The following KCNN2 variants were observed in gnomAD, a reference collection of about 807,000 sequenced individuals.
The protein encoded by KCNN2 is small conductance calcium-activated potassium channel protein 2.
A neutral mutation model predicts 55.5 loss-of-function variants in KCNN2; 24 were observed. That is an observed-to-expected ratio of 0.43 (90% CI 0.31 to 0.61). The LOEUF (loss-of-function observed/expected upper bound fraction) is 0.61, where lower values mean the gene tolerates loss of function less well. KCNN2 is among the 20% of genes least tolerant of loss of function. The pLI, the probability that KCNN2 is intolerant of heterozygous loss-of-function variation, is 0.08. For missense variants in KCNN2, 754 were observed against 853.6 expected, an observed-to-expected ratio of 0.88 and a Z score of 1.45; for synonymous variants, 431 against 336.1, an observed-to-expected ratio of 1.28 and a Z score of -3.09.
intron 1 of KCNN2, among the ~76,000 whole-genome samples, chr5:114,111,152 A>G (rs1349159596): frequency 6.6e-6 from 1 of 152,138 alleles, no homozygotes; most frequent in African/African-American, 2.4e-5. Flanking sequence ...ATGGAACAGA[A>G]CAGAGGCCTC....
chr5:114,388,711 A>C (rs192878965), intron 2 of KCNN2, among the ~76,000 whole-genome samples: 1 of 152,184 alleles, frequency 6.6e-6, no homozygotes, highest in African/African-American at 2.4e-5. Context: ...AATGTCTTTC[A>C]CCCTTTCCCC....
chr5:114,406,193 C>T (rs943978078), intron 3 of KCNN2, among the ~76,000 whole-genome samples: 5 of 151,042 alleles, frequency 3.3e-5, no homozygotes, highest in African/African-American at 1.2e-4. Flanking sequence ...TTTAGCCATT[C>T]TCTTGGTAAC....
chr5:114,475,931 A>G (rs949523962), intron 5 of KCNN2, among the ~76,000 whole-genome samples: 1 of 152,184 alleles, frequency 6.6e-6, no homozygotes, highest in Non-Finnish European at 1.5e-5. Context: ...TGAATTGTCA[A>G]CTTATTGCCT....
At chr5:114,172,304 G>T (rs1753050832) in intron 1 of KCNN2, among the ~76,000 whole-genome samples, 1 of 151,788 alleles carries the variant, frequency 6.6e-6, no homozygotes, top group Admixed American at 6.6e-5. Flanking sequence ...AGGAAGATTG[G>T]TTTCATTTCT....
At chr5:114,167,077 T>C (rs1322318743) in intron 1 of KCNN2, among the ~76,000 whole-genome samples, 1 of 152,146 alleles carries the variant, frequency 6.6e-6, no homozygotes, top group Non-Finnish European at 1.5e-5. Flanking sequence ...AACTAAGATA[T>C]TTCATTCAAT....
At chr5:114,410,786 A>G (rs1438852142) in intron 3 of KCNN2, among the ~76,000 whole-genome samples, 1 of 152,150 alleles carries the variant, frequency 6.6e-6, no homozygotes, top group Non-Finnish European at 1.5e-5. Context: ...AATGTTTGGA[A>G]TGGAAAAGGG....
At chr5:114,241,372 T>C (rs1387337315) in intron 2 of KCNN2, among the ~76,000 whole-genome samples, 3 of 151,930 alleles carry the variant, frequency 2.0e-5, no homozygotes, top group Admixed American at 1.3e-4. Flanking sequence ...ATAGTGAAGA[T>C]AGTTATGCCT....
rs755074639 is a variant in KCNN2 at position 114,363,995 on chromosome 5, A to G, written c.1212A>G (p.Glu404=). The change falls in exon 2 of 8, where the codon GAA becomes GAG. Residue 404 remains glutamate (E), a synonymous_variant. Coordinates refer to ENST00000673685, the MANE Select transcript of KCNN2 (RefSeq NM_021614.4). ...LGLIIVYHAR[E]IQLFMVDNGA... ...TGATCATCGTGTACCACGCCAGGGAAATACAGGTAACTTAGGTCCTGCTGT... is the reference window on the plus strand; with the variant it reads ...TGATCATCGTGTACCACGCCAGGGAGATACAGGTAACTTAGGTCCTGCTGT... 1.9e-6 allele frequency: 3 copies of G among 1,612,442 alleles called. No individual in the cohort carries two copies. Among genetic ancestry groups the G allele is most frequent in the Non-Finnish European group, 8.5e-7 (1 of 1,178,490 alleles).
intron 2 of KCNN2, among the ~76,000 whole-genome samples, chr5:114,275,404 G>C (rs1222441779): frequency 6.6e-6 from 1 of 152,152 alleles, no homozygotes; most frequent in African/African-American, 2.4e-5. Context: ...GTTTCAGAAG[G>C]AATGGTGTCC....
intron 1 of KCNN2, among the ~76,000 whole-genome samples, chr5:114,086,606 C>T (rs1051000462): frequency 1.3e-5 from 2 of 151,858 alleles, no homozygotes; most frequent in African/African-American, 4.8e-5. Context: ...CTGCAAAGGA[C>T]GTAATCTAAT....
chr5:114,492,330 C>G (rs1580931892), intron 6 of KCNN2, among the ~76,000 whole-genome samples: 1 of 152,052 alleles, frequency 6.6e-6, no homozygotes, highest in African/African-American at 2.4e-5. Flanking sequence ...ATAAAAAATT[C>G]TCTCTCTAGC....
chr5:114,360,454 G>T (rs1472661373), upstream of KCNN2, among the ~76,000 whole-genome samples: 1 of 152,188 alleles, frequency 6.6e-6, no homozygotes, highest in Non-Finnish European at 1.5e-5. Flanking sequence ...CTAACTCGTT[G>T]TAATAGTCTT....
chr5:114,468,069 C>CTCT (rs934171192), intron 4 of KCNN2, among the ~76,000 whole-genome samples: 1 of 152,178 alleles, frequency 6.6e-6, no homozygotes, highest in Non-Finnish European at 1.5e-5. Flanking sequence ...ACACTCTCCC[C>CTCT]TCTTTTCTTA....
chr5:114,413,906 G>A (rs1759215958), intron 3 of KCNN2, among the ~76,000 whole-genome samples: 1 of 152,166 alleles, frequency 6.6e-6, no homozygotes, highest in African/African-American at 2.4e-5. Context: ...GCATGCATGT[G>A]TGCACTCCTG....
At chr5:114,423,385 A>C (rs914832149) in intron 3 of KCNN2, among the ~76,000 whole-genome samples, 1 of 152,208 alleles carries the variant, frequency 6.6e-6, no homozygotes, top group Non-Finnish European at 1.5e-5. Context: ...GTACGATATG[A>C]GCCTAAATAA....
chr5:114,417,885 A>C (rs890492586), intron 3 of KCNN2, among the ~76,000 whole-genome samples: 7 of 152,212 alleles, frequency 4.6e-5, no homozygotes, highest in Non-Finnish European at 7.3e-5. Context: ...CCATCTGAAT[A>C]GCCACAGAGC....
At chr5:114,450,546 A>G (rs1291893503) in intron 3 of KCNN2, among the ~76,000 whole-genome samples, 3 of 152,348 alleles carry the variant, frequency 2.0e-5, no homozygotes, top group South Asian at 2.1e-4. Flanking sequence ...CCCAGAAAGT[A>G]TCAGGGGCTT....
intron 1 of KCNN2, among the ~76,000 whole-genome samples, chr5:114,157,532 G>T (rs1179555381): frequency 5.3e-5 from 8 of 152,116 alleles, no homozygotes; most frequent in African/African-American, 1.9e-4. Flanking sequence ...GTAATGGGAT[G>T]GCTGGGTCAA....
At chr5:114,474,364 T>G (rs1038405968) in intron 5 of KCNN2, among the ~76,000 whole-genome samples, 1 of 152,144 alleles carries the variant, frequency 6.6e-6, no homozygotes, top group Non-Finnish European at 1.5e-5. Flanking sequence ...ACGTTTATAG[T>G]AGATGGTCAG....
Sources: allele counts gnomAD v4.1 joint callset (sites outside exome capture counted in the v4.1 genomes callset), GRCh38; gene constraint gnomAD v4.1.1; transcripts MANE v1.5; gene names NCBI Gene and HGNC (gene_info 2026-07-23, HGNC 2026-07-21).